RBFOX3: variants seen among roughly 807,000 people sequenced by gnomAD.
The protein encoded by RBFOX3 is RNA binding protein fox-1 homolog 3.
RBFOX3 carries 17 observed loss-of-function variants against 48.7 expected under a neutral mutation model. The observed-to-expected ratio is 0.35, with a 90% CI of 0.24 to 0.52. The LOEUF (loss-of-function observed/expected upper bound fraction) is 0.52. Among genes scored for constraint, RBFOX3 ranks in the 20% least tolerant of loss-of-function variants. The pLI is 0.94. For missense variants in RBFOX3, 382 were observed against 497.5 expected (o/e 0.77, Z 2.21); for synonymous variants, 212 against 209.5 (o/e 1.01, Z -0.10).
intron 1 of RBFOX3, among the ~76,000 whole-genome samples, chr17:79,583,943 G>T (rs1406287808): frequency 6.6e-6 from 1 of 152,108 alleles, no homozygotes; most frequent in African/African-American, 2.4e-5. Flanking sequence ...GGACATGGCG[G>T]GGGATGGAGA....
chr17:79,596,621 C>T (rs2093576396), intron 1 of RBFOX3, among the ~76,000 whole-genome samples: 1 of 152,236 alleles, frequency 6.6e-6, no homozygotes, highest in South Asian at 2.1e-4. Flanking sequence ...TGAGAATGGA[C>T]TATGAGCAGA....
At chr17:79,467,948 A>G (rs2076533000) in intron 2 of RBFOX3, among the ~76,000 whole-genome samples, 1 of 151,734 alleles carries the variant, frequency 6.6e-6, no homozygotes. Flanking sequence ...GCAAGGTGCC[A>G]CAGGTATGAG....
intron 2 of RBFOX3, among the ~76,000 whole-genome samples, chr17:79,442,360 GGGGAGAGAGAGAGAGA>G (rs1486075395): frequency 0.26 from 8,304 of 31,390 alleles, 2,548 homozygotes; most frequent in African/African-American, 0.41. Flanking sequence ...AGGAAGAGGG[GGGGAGAGAGAGAGAGA>G]GAGAGAGAGA....
At chr17:79,128,767 C>T (rs1261927074) in intron 4 of RBFOX3, among the ~76,000 whole-genome samples, 1 of 152,228 alleles carries the variant, frequency 6.6e-6, no homozygotes, top group Non-Finnish European at 1.5e-5. Flanking sequence ...GGAGACCTCT[C>T]ACTCCAGGGC....
At chr17:79,293,411 CCTTCCTTCCTTCCTT>C (rs2073743399) in intron 3 of RBFOX3, among the ~76,000 whole-genome samples, 2 of 3,332 alleles carry the variant, frequency 6.0e-4, no homozygotes, top group African/African-American at 2.0e-3. Context: ...CCCCTCCACC[CCTTCCTTCCTTCCTT>C]CCTTCCTTCC....
At chr17:79,591,212 G>A (rs1257502872) in intron 1 of RBFOX3, among the ~76,000 whole-genome samples, 2 of 152,138 alleles carry the variant, frequency 1.3e-5, no homozygotes, top group South Asian at 2.1e-4. Context: ...CCCGGGGGTC[G>A]GCACCCATTG....
rs2065750746 is a variant in RBFOX3 at position 79,418,524 on chromosome 17, C to T, written c.-175+63930G>A. ...CTGGCCAAGAGCAAGAAGAAAGGCA[C>T]AGACATAGATGCCCAGACATGTGAA... On this transcript the variant is annotated intron_variant, in intron 2 of 14. Transcript: ENST00000693108. The surrounding 1 kb of genome is among the most constrained non-coding windows in gnomAD (Gnocchi z 5.0). Among the ~76,000 whole-genome samples the T allele has an allele frequency of 6.6e-6, 1 of 152,234 alleles. No individual in the cohort carries two copies. Among genetic ancestry groups the T allele is most frequent in the African/African-American group, 2.4e-5 (1 of 41,460 alleles).
intron 11 of RBFOX3, 54 bp downstream of exon 11, chr17:79,097,238 T>C (rs1599395344): frequency 8.8e-7 from 1 of 1,133,710 alleles, no homozygotes; most frequent in African/African-American, 1.9e-5. Flanking sequence ...CCCATTTCCC[T>C]CCTCCCCGCC....
At chr17:79,341,964 C>T (rs1414819293) in intron 2 of RBFOX3, among the ~76,000 whole-genome samples, 3 of 152,236 alleles carry the variant, frequency 2.0e-5, no homozygotes, top group Non-Finnish European at 4.4e-5. Context: ...TTGGCTTTGG[C>T]CCCCAAGGCT....
intron 1 of RBFOX3, among the ~76,000 whole-genome samples, chr17:79,593,386 G>A (rs2145151559): frequency 6.6e-6 from 1 of 152,242 alleles, no homozygotes; most frequent in East Asian, 1.9e-4. Context: ...ATTCCCCTGT[G>A]GCCTCAATCT....
chr17:79,400,611 AGTTCAC>A (rs1011570515), intron 2 of RBFOX3, among the ~76,000 whole-genome samples: 4 of 146,424 alleles, frequency 2.7e-5, no homozygotes, highest in African/African-American at 1.0e-4. Context: ...GGGTGAAGTG[AGTTCAC>A]GTGTGACCCG....
Position 79,249,223 on chromosome 17 carries a change from G to A in RBFOX3, c.-73-13418C>T, listed in dbSNP as rs78325479. Among the ~76,000 whole-genome samples, 5,411 of 152,176 alleles carry A rather than the reference G, an allele frequency of 0.036. 121 individuals carry two copies. Among genetic ancestry groups the A allele is most frequent in the East Asian group, 0.12 (602 of 5,142 alleles). On this transcript the variant is annotated intron_variant, in intron 3 of 14. Transcript: ENST00000693108. The surrounding 1 kb of genome is among the most constrained non-coding windows in gnomAD (Gnocchi z 4.1). Reference sequence around the variant, plus strand: ...CTTGCTGGGGCGTCGAAAGCCAAGCGCGCTCAGGTCTTCAAAGCCACCGTT... The same window carrying A: ...CTTGCTGGGGCGTCGAAAGCCAAGCACGCTCAGGTCTTCAAAGCCACCGTT...
At chr17:79,375,395 A>ACACACG (rs1380210040) in intron 2 of RBFOX3, among the ~76,000 whole-genome samples, 5 of 150,986 alleles carry the variant, frequency 3.3e-5, no homozygotes, top group Admixed American at 1.3e-4. Flanking sequence ...ACACACACAC[A>ACACACG]CACACGAAGC....
chr17:79,475,851 C>A (rs765047163), intron 2 of RBFOX3, among the ~76,000 whole-genome samples: 1 of 152,224 alleles, frequency 6.6e-6, no homozygotes, highest in African/African-American at 2.4e-5. Flanking sequence ...GAAAGGCCTC[C>A]GTGTGTGGGA....
chr17:79,211,143 G>A (rs1211212673), intron 4 of RBFOX3, among the ~76,000 whole-genome samples: 4 of 152,234 alleles, frequency 2.6e-5, no homozygotes, highest in East Asian at 3.8e-4. Context: ...AGCGTCCGGC[G>A]GTCTCAGTCC....
chr17:79,131,390 C>T (rs373296960), intron 4 of RBFOX3, among the ~76,000 whole-genome samples: 4 of 152,256 alleles, frequency 2.6e-5, no homozygotes, highest in South Asian at 2.1e-4. Flanking sequence ...CTACCTTCAC[C>T]GTCTTCCAGC....
At chr17:79,351,270 T>G (rs2083894142) in intron 2 of RBFOX3, among the ~76,000 whole-genome samples, 3 of 152,240 alleles carry the variant, frequency 2.0e-5, no homozygotes, top group Admixed American at 2.0e-4. Flanking sequence ...GGGGGCATGT[T>G]CCTTGAAGTG....
chr17:79,327,001 C>G (rs2079435239), intron 2 of RBFOX3, among the ~76,000 whole-genome samples: 1 of 152,250 alleles, frequency 6.6e-6, no homozygotes, highest in African/African-American at 2.4e-5. Flanking sequence ...AGGAGCCGAT[C>G]TGGAACCAAG....
Position 79,406,872 on chromosome 17 carries a change from G to A in RBFOX3, c.-175+75582C>T, listed in dbSNP as rs559170410. On this transcript the variant is annotated intron_variant, in intron 2 of 14. Coordinates refer to ENST00000693108, the MANE Select transcript of RBFOX3 (RefSeq NM_001350451.2). Reference sequence around the variant, plus strand: ...ATTTGGGGGATGCAAAGAAATACCCGAAGCTGGCTCCAGACTCCTCTATGC... The same window carrying A: ...ATTTGGGGGATGCAAAGAAATACCCAAAGCTGGCTCCAGACTCCTCTATGC... Among the ~76,000 whole-genome samples, 45 of 152,304 alleles carry A rather than the reference G, an allele frequency of 3.0e-4. No individual in the cohort carries two copies. The South Asian group carries it at 8.9e-3, about 30-fold the overall frequency.
Sources: allele counts gnomAD v4.1 joint callset (sites outside exome capture counted in the v4.1 genomes callset), GRCh38; gene constraint gnomAD v4.1.1; non-coding constraint Gnocchi (gnomAD v3.1); transcripts MANE v1.5; gene names NCBI Gene and HGNC (gene_info 2026-07-23, HGNC 2026-07-21).